SLC38A8: variants seen among roughly 807,000 people sequenced by gnomAD.
SLC38A8 encodes the protein amino acid transporter SLC38A8.
SLC38A8 carries 65 observed loss-of-function variants against 46.0 expected under a neutral mutation model. The observed-to-expected ratio is 1.41, with a 90% CI of 1.16 to 1.74. SLC38A8 has a LOEUF of 1.74. SLC38A8 is among the 40% of genes most tolerant of loss of function. The pLI is 0.00. For missense variants in SLC38A8, 998 were observed against 567.9 expected (o/e 1.76, Z -7.70); for synonymous variants, 447 against 243.7 (o/e 1.83, Z -7.77).
Position 84,016,615 on chromosome 16 carries a change from T to G in SLC38A8, c.1066A>C (p.Thr356Pro). 1 of 1,613,958 alleles carries G rather than the reference T, an allele frequency of 6.2e-7. No homozygotes were observed. Among genetic ancestry groups the G allele is most frequent in the Non-Finnish European group, 8.5e-7 (1 of 1,180,024 alleles). Reference sequence around the variant, plus strand: ...AACAGCGCCATGGCGAGCGTCACGGTGACCCACAGGATGGTCAGCGGCATC... The same window carrying G: ...AACAGCGCCATGGCGAGCGTCACGGGGACCCACAGGATGGTCAGCGGCATC... ...VRMPLTILWV[T>P]VTLAMALFMP... The change falls in exon 9 of 11, where the codon ACC becomes CCC. Residue 356 changes from threonine to proline, a missense_variant. Physicochemically the swap from Thr to Pro is conservative, Grantham distance 38 (BLOSUM62 -1). Transcript: ENST00000299709.
In SLC38A8 at chr16:84,016,627, T is replaced by G; in HGVS notation, c.1054A>C (p.Ile352Leu). 1 of 1,613,860 alleles carries G rather than the reference T, an allele frequency of 6.2e-7. No homozygotes were observed. Among genetic ancestry groups the G allele is most frequent in the East Asian group, 2.2e-5 (1 of 44,874 alleles). The change falls in exon 9 of 11, where the codon ATC (isoleucine) becomes CTC (leucine). Residue 352 changes from isoleucine to leucine, a missense_variant. By Grantham distance (5) the Ile-to-Leu change is conservative. Coordinates refer to ENST00000299709, the MANE Select transcript of SLC38A8 (RefSeq NM_001080442.3). ...GCGAGCGTCACGGTGACCCACAGGATGGTCAGCGGCATCCGGACCCACAGC... is the reference window on the plus strand; with the variant it reads ...GCGAGCGTCACGGTGACCCACAGGAGGGTCAGCGGCATCCGGACCCACAGC... ...SGLWVRMPLT[I>L]LWVTVTLAMA...
intron 6 of SLC38A8, among the ~76,000 whole-genome samples, chr16:84,028,483 G>A (rs1396247649): frequency 6.6e-6 from 1 of 151,474 alleles, no homozygotes; most frequent in East Asian, 1.9e-4. Context: ...TACTCAGGAG[G>A]CTTGAACCCA....
intron 2 of SLC38A8, among the ~76,000 whole-genome samples, chr16:84,038,770 C>T (rs973336340): frequency 6.6e-6 from 1 of 152,190 alleles, no homozygotes; most frequent in African/African-American, 2.4e-5. Flanking sequence ...TATTTTCCAC[C>T]TTTACGTAAT....
chr16:84,036,174 A>T (rs2085297337), intron 3 of SLC38A8, among the ~76,000 whole-genome samples: 1 of 152,244 alleles, frequency 6.6e-6, no homozygotes, highest in Non-Finnish European at 1.5e-5. Context: ...ACAATTCTAA[A>T]CATCTCACAA....
rs777267437 is a variant in SLC38A8 at position 84,022,721 on chromosome 16, T to C, written c.805+54A>G. On this transcript the variant is annotated intron_variant, in intron 7 of 10. Transcript: ENST00000299709. ...TCTAGAGAGATACTCGCTGTTACTCTTGTTTCTACTGTCACTCCCCACCCT... is the reference window on the plus strand; with the variant it reads ...TCTAGAGAGATACTCGCTGTTACTCCTGTTTCTACTGTCACTCCCCACCCT... The C allele has an allele frequency of 2.9e-3, 1,618 of 562,890 alleles. 3 individuals carry two copies. Among genetic ancestry groups the C allele is most frequent in the Non-Finnish European group, 4.4e-3 (1,526 of 346,060 alleles). 34.9% of individuals were successfully genotyped at this position (562,890 alleles called of 1,614,324 possible).
intron 9 of SLC38A8, 57 bp downstream of exon 9, chr16:84,016,462 A>T (rs1466086258): frequency 3.8e-6 from 6 of 1,578,106 alleles, no homozygotes; most frequent in Non-Finnish European, 5.2e-6. Flanking sequence ...GGGAGTCCCC[A>T]CAGAGATGAG....
intron 7 of SLC38A8, among the ~76,000 whole-genome samples, chr16:84,020,824 C>G (rs1409856788): frequency 2.0e-5 from 3 of 152,226 alleles, no homozygotes; most frequent in Non-Finnish European, 4.4e-5. Context: ...ATATTAATCT[C>G]CTTAGCAAAA....
chr16:84,014,296 A>G (rs2084996959), intron 9 of SLC38A8, among the ~76,000 whole-genome samples: 1 of 146,342 alleles, frequency 6.8e-6, no homozygotes, highest in African/African-American at 2.6e-5. Context: ...AGCCTCGCCC[A>G]CAGCCTGAAT....
chr16:84,012,615 T>G (rs558883010), intron 10 of SLC38A8, among the ~76,000 whole-genome samples: 1 of 152,208 alleles, frequency 6.6e-6, no homozygotes, highest in Non-Finnish European at 1.5e-5. Context: ...AGCGACCCAC[T>G]GCTGTGATGA....
At chr16:84,038,884 C>T (rs758666861) in intron 2 of SLC38A8, among the ~76,000 whole-genome samples, 6 of 152,224 alleles carry the variant, frequency 3.9e-5, no homozygotes, top group Non-Finnish European at 7.3e-5. Flanking sequence ...GAATAGATCA[C>T]AATTAGCTGA....
intron 2 of SLC38A8, chr16:84,041,270 G>A (rs34492560): frequency 0.22 from 33,209 of 152,308 alleles, 3,934 homozygotes; most frequent in African/African-American, 0.29. Context: ...TGTGGGGAGT[G>A]TGGGAGTGTC....
chr16:84,031,605 T>A (rs1483746705), intron 5 of SLC38A8, among the ~76,000 whole-genome samples: 3 of 152,212 alleles, frequency 2.0e-5, no homozygotes. Context: ...TGCAATAACC[T>A]ATGACCCCTA....
intron 7 of SLC38A8, among the ~76,000 whole-genome samples, chr16:84,019,736 C>A (rs1414071486): frequency 1.3e-5 from 2 of 152,190 alleles, no homozygotes; most frequent in African/African-American, 2.4e-5. Context: ...AAATCAAAAG[C>A]AATCTACTTC....
chr16:84,035,934 C>T (rs1451785230), intron 3 of SLC38A8, among the ~76,000 whole-genome samples: 1 of 152,174 alleles, frequency 6.6e-6, no homozygotes, highest in African/African-American at 2.4e-5. Context: ...CTGTTGACTG[C>T]CTTGACCTAA....
At chr16:84,032,000 G>T in intron 4 of SLC38A8, 32 bp from the exon 5 acceptor site, 1 of 1,583,096 alleles carries the variant, frequency 6.3e-7, no homozygotes, top group East Asian at 2.2e-5. Context: ...GGGCTGCGCA[G>T]TGGGTGACAT....
At chr16:84,021,172 C>A (rs2085090502) in intron 7 of SLC38A8, among the ~76,000 whole-genome samples, 1 of 152,158 alleles carries the variant, frequency 6.6e-6, no homozygotes, top group Non-Finnish European at 1.5e-5. Context: ...AATTGATACT[C>A]CTGCCTCAAC....
In SLC38A8 at chr16:84,030,521, G is replaced by A. The variant is rs1214714767; in HGVS notation, c.633-970C>T. ...GACACACAGACCTGCCCAGCTGCTT[G>A]ACTTCCCTCTTAGATGTCTCCAGGT... On this transcript the variant is annotated intron_variant, in intron 5 of 10. Transcript: ENST00000299709. 2.0e-5 allele frequency among the ~76,000 whole-genome samples: 3 copies of A among 151,928 alleles called. No homozygotes were observed. In the East Asian group the frequency reaches 5.9e-4, roughly 30 times the overall value.
chr16:84,023,552 T>C (rs368066722), intron 6 of SLC38A8, among the ~76,000 whole-genome samples: 7 of 151,204 alleles, frequency 4.6e-5, no homozygotes, highest in African/African-American at 9.7e-5. Flanking sequence ...CAAAGAACCA[T>C]GCACCTCAAC....
chr16:84,012,544 T>A (rs2084966855), intron 10 of SLC38A8, among the ~76,000 whole-genome samples: 1 of 152,090 alleles, frequency 6.6e-6, no homozygotes, highest in South Asian at 2.1e-4. Flanking sequence ...CATGTGGGTA[T>A]GGTGGGGAGG....
Sources: allele counts gnomAD v4.1 joint callset (sites outside exome capture counted in the v4.1 genomes callset), GRCh38; gene constraint gnomAD v4.1.1; transcripts MANE v1.5; gene names NCBI Gene and HGNC (gene_info 2026-07-23, HGNC 2026-07-21).